The following HIVEP3 variants were observed in gnomAD, a reference collection of about 807,000 sequenced individuals.
The protein encoded by HIVEP3 is HIVEP zinc finger 3.
HIVEP3 carries 49 observed loss-of-function variants against 152.8 expected under a neutral mutation model. The ratio of observed to expected loss-of-function variants is 0.32; its 90% CI spans 0.26 to 0.41. The LOEUF (loss-of-function observed/expected upper bound fraction) is 0.41. HIVEP3 is among the 10% of genes least tolerant of loss of function. The pLI, the probability that HIVEP3 is intolerant of heterozygous loss-of-function variation, is 1.00. For missense variants in HIVEP3, 2,790 were observed against 3,103.3 expected, an observed-to-expected ratio of 0.90 and a Z score of 2.40; for synonymous variants, 1,269 against 1,289.0, an observed-to-expected ratio of 0.98 and a Z score of 0.33.
At chr1:41,942,193 C>T (rs1407072465) in intron 1 of HIVEP3, among the ~76,000 whole-genome samples, 1 of 152,110 alleles carries the variant, frequency 6.6e-6, no homozygotes, top group South Asian at 2.1e-4. Flanking sequence ...TGTGGATGTA[C>T]GATGTCTTTC....
chr1:42,015,289 C>T (rs1039226314), intron 1 of HIVEP3, among the ~76,000 whole-genome samples: 9 of 152,168 alleles, frequency 5.9e-5, no homozygotes, highest in African/African-American at 2.2e-4. Flanking sequence ...AGACTAATTC[C>T]ATGCAATTCA....
chr1:41,918,209 CG>C lies in HIVEP3; in HGVS notation c.-801+203del, dbSNP rs1440690247. Among the ~76,000 whole-genome samples the C allele has an allele frequency of 1.8e-5, 1 of 56,702 alleles. No homozygotes were observed. The highest frequency in any genetic ancestry group is 3.5e-5 in the African/African-American group (1 of 28,558). 37.2% of individuals were successfully genotyped at this position (56,702 alleles called of 152,430 possible). On this transcript the variant is annotated intron_variant, in intron 1 of 8. Transcript: ENST00000372583. This position sits in a 1 kb window ranked among gnomAD's most constrained non-coding sequence, Gnocchi z 4.3. ...AGGCCGAGCAGCGCGCTCAGCCCAC[CG>C]GGGGCACTGGCCGCCACGCGCAGCC...
chr1:41,814,185 G>A lies in HIVEP3; in HGVS notation c.-801+104228C>T, dbSNP rs187389900. Among the ~76,000 whole-genome samples the A allele has an allele frequency of 1.2e-4, 18 of 152,312 alleles. No individual in the cohort carries two copies. In the East Asian group the frequency reaches 1.3e-3, roughly 11 times the overall value. On this transcript the variant is annotated intron_variant, in intron 1 of 8. Coordinates refer to ENST00000372583, the MANE Select transcript of HIVEP3 (RefSeq NM_024503.5). ...ATGGGTGAAATTCAAGCCCCAGTACGTCATGTCTGTGAGGCTTGTGGAAAG... is the reference window on the plus strand; with the variant it reads ...ATGGGTGAAATTCAAGCCCCAGTACATCATGTCTGTGAGGCTTGTGGAAAG...
intron 1 of HIVEP3, among the ~76,000 whole-genome samples, chr1:41,912,934 T>C (rs1320471822): frequency 6.6e-6 from 1 of 152,232 alleles, no homozygotes; most frequent in Non-Finnish European, 1.5e-5. Flanking sequence ...TTTTCAGTTA[T>C]TTGTGAACAA....
At chr1:41,999,223 C>T (rs751259681) in intron 1 of HIVEP3, among the ~76,000 whole-genome samples, 49 of 151,884 alleles carry the variant, frequency 3.2e-4, no homozygotes, top group Non-Finnish European at 6.5e-4. Context: ...ATAAAAGCAA[C>T]GCATGCCCCG....
rs182421256 is a variant in HIVEP3, at chr1:41,574,787, G to A, written c.5207+757C>T. ...CAGACACAGGACCCTGAGACAGAAC[G>A]CCATGGGACCTGCTCACAGACACCC... On this transcript the variant is annotated intron_variant, in intron 5 of 8. Transcript: ENST00000372583. 1.2e-3 allele frequency among the ~76,000 whole-genome samples: 183 copies of A among 152,258 alleles called. 2 individuals carry two copies. Among genetic ancestry groups the A allele is most frequent in the Non-Finnish European group, 1.8e-4 (12 of 68,016 alleles).
At chr1:41,675,566 T>C (rs1282629532) in intron 2 of HIVEP3, among the ~76,000 whole-genome samples, 1 of 152,212 alleles carries the variant, frequency 6.6e-6, no homozygotes, top group Non-Finnish European at 1.5e-5. Flanking sequence ...ATGTATGTTT[T>C]GCTCACCATG....
At chr1:41,645,546 C>CTA (rs1645446233) in intron 2 of HIVEP3, among the ~76,000 whole-genome samples, 1 of 152,226 alleles carries the variant, frequency 6.6e-6, no homozygotes, top group Non-Finnish European at 1.5e-5. Context: ...CATTCACAAC[C>CTA]TATGGCTTCT....
At chr1:41,746,535 T>C (rs542360979) in intron 1 of HIVEP3, among the ~76,000 whole-genome samples, 45 of 152,338 alleles carry the variant, frequency 3.0e-4, no homozygotes, top group East Asian at 2.5e-3. Flanking sequence ...CAAGAGCTTC[T>C]GTCCAGGGAA....
chr1:41,841,015 C>G (rs896812356), intron 1 of HIVEP3, among the ~76,000 whole-genome samples: 2 of 152,134 alleles, frequency 1.3e-5, no homozygotes, highest in South Asian at 2.1e-4. Context: ...AGTCTCTGTC[C>G]GGTAATAAAA....
chr1:41,940,895 GGA>G (rs369625049), intron 1 of HIVEP3, among the ~76,000 whole-genome samples: 37 of 151,482 alleles, frequency 2.4e-4, no homozygotes, highest in African/African-American at 5.8e-4. Flanking sequence ...AGGGAGCGGG[GGA>G]GAGAGAGAGA....
chr1:41,853,276 C>T lies in HIVEP3; in HGVS notation c.-801+65137G>A, dbSNP rs111700828. On this transcript the variant is annotated intron_variant, in intron 1 of 8. Coordinates refer to ENST00000372583, the MANE Select transcript of HIVEP3 (RefSeq NM_024503.5). The stretch of plus-strand genomic sequence containing the variant: ...GAGGTTCTATTAGTCTGTTCTCACA[C>T]GGCTATAAGGACATACTGAGACTGG... 1.6e-3 allele frequency among the ~76,000 whole-genome samples: 250 copies of T among 152,218 alleles called. 3 individuals are homozygous for T. Among genetic ancestry groups the T allele is most frequent in the African/African-American group, 4.8e-3 (198 of 41,526 alleles).
At chr1:41,803,275 A>T (rs1415995401) in intron 1 of HIVEP3, among the ~76,000 whole-genome samples, 1 of 152,170 alleles carries the variant, frequency 6.6e-6, no homozygotes, top group African/African-American at 2.4e-5. Context: ...ATGTGTTGTT[A>T]TTGTTGCTTT....
rs554165039 is a variant in HIVEP3, at chr1:41,512,394, A to G, written c.6405+422T>C. Among the ~76,000 whole-genome samples, 8 of 152,296 alleles carry G rather than the reference A, an allele frequency of 5.3e-5. No individual in the cohort carries two copies. The South Asian group carries it at 8.3e-4, about 16-fold the overall frequency. On this transcript the variant is annotated intron_variant, in intron 8 of 8. Transcript: ENST00000372583. ...GCCTGTTCCCGCTTTGCCTTCTGCC[A>G]TGAGTAAAAGCTGCTTGAGGCCTCC...
chr1:41,741,875 A>G (rs1647001821), intron 1 of HIVEP3, among the ~76,000 whole-genome samples: 1 of 152,220 alleles, frequency 6.6e-6, no homozygotes. Context: ...TGCCAGAAAC[A>G]TAGTAGGTAC....
intron 1 of HIVEP3, among the ~76,000 whole-genome samples, chr1:42,023,653 TTC>T (rs1278942649): frequency 2.0e-5 from 3 of 152,068 alleles, no homozygotes; most frequent in South Asian, 2.1e-4. Flanking sequence ...CCTCCCGCCA[TTC>T]TCTCTCTCTT....
chr1:41,807,982 C>T (rs12563071), intron 1 of HIVEP3, among the ~76,000 whole-genome samples: 36,622 of 152,122 alleles, frequency 0.24, 5,516 homozygotes, highest in Non-Finnish European at 0.33. Context: ...ACTTGGACCC[C>T]AGAAGTCACT....
intron 1 of HIVEP3, among the ~76,000 whole-genome samples, chr1:41,758,692 T>C (rs575104905): frequency 1.3e-5 from 2 of 152,336 alleles, no homozygotes; most frequent in South Asian, 4.1e-4. Context: ...CTCCAGGCAG[T>C]GGGCATAAAG....
At chr1:41,755,142 A>G (rs545932567) in intron 1 of HIVEP3, among the ~76,000 whole-genome samples, 2 of 152,250 alleles carry the variant, frequency 1.3e-5, no homozygotes, top group African/African-American at 4.8e-5. Flanking sequence ...ACCCAGAAAT[A>G]GTTCCACATG....
Sources: gnomAD v4.1 joint callset for allele counts (sites outside exome capture counted in the v4.1 genomes callset) on GRCh38, gnomAD v4.1.1 for gene constraint, Gnocchi (gnomAD v3.1) non-coding constraint, MANE v1.5 for transcripts, NCBI Gene and HGNC (gene_info 2026-07-23, HGNC 2026-07-21) for gene names.